Variants in CHST9 observed in about 807,000 individuals in gnomAD.
CHST9 encodes carbohydrate sulfotransferase 9, also known as GalNAc-4-sulfotransferase 2.
A neutral mutation model predicts 44.4 loss-of-function variants in CHST9; 41 were observed. The observed-to-expected ratio is 0.92, with a 90% CI of 0.72 to 1.20. CHST9 has a LOEUF of 1.20. Ranked by LOEUF, CHST9 falls within the 50% of genes most tolerant of loss-of-function variation. The probability of loss-of-function intolerance (pLI) is 0.00; values close to 1 mark genes in which losing one functional copy is unlikely to be tolerated. For synonymous variants in CHST9, 171 were observed against 178.4 expected (o/e 0.96, Z 0.33); for missense variants, 504 against 516.5 (o/e 0.98, Z 0.23).
chr18:27,148,503 C>T (rs1432808529), intron 1 of CHST9, among the ~76,000 whole-genome samples: 4 of 142,778 alleles, frequency 2.8e-5, no homozygotes, highest in African/African-American at 5.2e-5. Flanking sequence ...TGAGAACATG[C>T]GGTGTTTGGT....
chr18:26,918,315 G>A (rs2055576004), intron 5 of CHST9, among the ~76,000 whole-genome samples: 1 of 152,052 alleles, frequency 6.6e-6, no homozygotes, highest in Non-Finnish European at 1.5e-5. Context: ...AGGATGGTGT[G>A]GAGAGGAATG....
At chr18:26,983,182 G>C (rs1486480636) in intron 4 of CHST9, among the ~76,000 whole-genome samples, 3 of 152,164 alleles carry the variant, frequency 2.0e-5, no homozygotes, top group Non-Finnish European at 4.4e-5. Context: ...GAAAGTATAG[G>C]TCCTAGACCA....
At chr18:27,165,187 C>T (rs1303946561) in intron 1 of CHST9, among the ~76,000 whole-genome samples, 2 of 152,082 alleles carry the variant, frequency 1.3e-5, no homozygotes, top group Non-Finnish European at 1.5e-5. Context: ...GTTTTAAAAT[C>T]TAGACAGAAT....
chr18:26,953,774 A>G (rs9954628), intron 4 of CHST9, among the ~76,000 whole-genome samples: 175 of 152,266 alleles, frequency 1.1e-3, no homozygotes, highest in African/African-American at 4.0e-3. Flanking sequence ...GAACAAGACC[A>G]TTGCTCCCAA....
At chr18:26,984,864 G>A (rs1262499479) in intron 4 of CHST9, among the ~76,000 whole-genome samples, 1 of 152,122 alleles carries the variant, frequency 6.6e-6, no homozygotes, top group African/African-American at 2.4e-5. Flanking sequence ...GTTAGTGAGG[G>A]TATAGATGAA....
At chr18:26,936,981 A>G (rs2056004872) in intron 5 of CHST9, among the ~76,000 whole-genome samples, 1 of 152,220 alleles carries the variant, frequency 6.6e-6, no homozygotes, top group Admixed American at 6.5e-5. Context: ...ATTACTAACA[A>G]TAAAGAACTT....
rs542326080 is a variant in CHST9, at chr18:26,955,583, T to C, written c.203-11217A>G. Among the ~76,000 whole-genome samples, 10 of 152,258 alleles carry C rather than the reference T, an allele frequency of 6.6e-5. No individual in the cohort carries two copies. In the South Asian group the frequency reaches 2.1e-3, roughly 32 times the overall value. ...AGGCTGAAATTGAGAGCCCAGGCAC[T>C]GGAGAAGAACCCAAGACACAAGCTT... On this transcript the variant is annotated intron_variant, in intron 4 of 5. Coordinates refer to ENST00000618847, the MANE Select transcript of CHST9 (RefSeq NM_031422.6).
At chr18:27,027,792 TTAAAG>T (rs1189360054) in intron 3 of CHST9, among the ~76,000 whole-genome samples, 2 of 152,126 alleles carry the variant, frequency 1.3e-5, no homozygotes, top group African/African-American at 4.8e-5. Context: ...TTCTGTTTCA[TTAAAG>T]TAGATTGAAA....
chr18:27,082,621 G>C (rs1341680735), intron 2 of CHST9, among the ~76,000 whole-genome samples: 1 of 152,106 alleles, frequency 6.6e-6, no homozygotes, highest in Non-Finnish European at 1.5e-5. Context: ...TCAAACCAAG[G>C]CAATTTCTAA....
intron 2 of CHST9, among the ~76,000 whole-genome samples, chr18:27,119,015 T>C (rs1369602862): frequency 2.6e-5 from 4 of 152,242 alleles, no homozygotes; most frequent in East Asian, 1.9e-4. Context: ...ATTTCCTTTT[T>C]CTTTTCTTTT....
chr18:27,104,427 G>T (rs1474064960), intron 2 of CHST9, among the ~76,000 whole-genome samples: 1 of 152,182 alleles, frequency 6.6e-6, no homozygotes, highest in African/African-American at 2.4e-5. Context: ...TTTGTTTTCT[G>T]TGACTGGTGA....
At chr18:27,100,418 G>T (rs1407543373) in intron 2 of CHST9, among the ~76,000 whole-genome samples, 1 of 151,962 alleles carries the variant, frequency 6.6e-6, no homozygotes, top group Non-Finnish European at 1.5e-5. Context: ...AACAAAAATT[G>T]AAAAATAAAA....
chr18:27,046,482 AG>A (rs1264738399), intron 3 of CHST9, among the ~76,000 whole-genome samples: 3 of 151,978 alleles, frequency 2.0e-5, no homozygotes, highest in Admixed American at 6.6e-5. Context: ...TGTAAACAAG[AG>A]GGTGCAGGGT....
In CHST9 at chr18:27,054,537, T is replaced by G. The variant is rs146026677; in HGVS notation, c.122-6034A>C. ...TCCGCATCTCATGACTATTTATCTATGTAAACTGAGTCTCAATATTTTTAA... is the reference window on the plus strand; with the variant it reads ...TCCGCATCTCATGACTATTTATCTAGGTAAACTGAGTCTCAATATTTTTAA... On this transcript the variant is annotated intron_variant, in intron 2 of 5. Transcript: ENST00000618847. Among the ~76,000 whole-genome samples the G allele has an allele frequency of 6.3e-3, 965 of 152,322 alleles. 8 individuals carry two copies. The highest frequency in any genetic ancestry group is 0.022 in the African/African-American group (935 of 41,574).
At chr18:26,971,880 G>C (rs544031487) in intron 4 of CHST9, among the ~76,000 whole-genome samples, 180 of 148,720 alleles carry the variant, frequency 1.2e-3, no homozygotes, top group African/African-American at 4.4e-3. Flanking sequence ...ATTTCTGCCT[G>C]GTGGAGCTTA....
At chr18:27,114,987 T>A (rs2058307841) in intron 2 of CHST9, among the ~76,000 whole-genome samples, 1 of 152,170 alleles carries the variant, frequency 6.6e-6, no homozygotes, top group Non-Finnish European at 1.5e-5. Context: ...TATTTCCCCA[T>A]GCTGTTCTCA....
intron 5 of CHST9, among the ~76,000 whole-genome samples, chr18:26,941,060 C>T (rs2056075208): frequency 6.6e-6 from 1 of 152,168 alleles, no homozygotes; most frequent in African/African-American, 2.4e-5. Context: ...CTGCTGACCC[C>T]GTATTTTGTA....
At chr18:26,954,295 G>A (rs1213686767) in intron 4 of CHST9, among the ~76,000 whole-genome samples, 2 of 152,200 alleles carry the variant, frequency 1.3e-5, no homozygotes, top group African/African-American at 4.8e-5. Context: ...ACTCAAAGAA[G>A]TCCATGGGTA....
intron 4 of CHST9, among the ~76,000 whole-genome samples, chr18:27,013,006 G>T (rs1161112961): frequency 6.6e-6 from 1 of 152,168 alleles, no homozygotes; most frequent in Non-Finnish European, 1.5e-5. Flanking sequence ...TGTCACCTCT[G>T]TCATATACCT....
Sources: gnomAD v4.1 joint callset for allele counts (sites outside exome capture counted in the v4.1 genomes callset) on GRCh38, gnomAD v4.1.1 for gene constraint, MANE v1.5 for transcripts, NCBI Gene and HGNC (gene_info 2026-07-23, HGNC 2026-07-21) for gene names.